Variants in DPP10 observed in about 807,000 individuals in gnomAD.
DPP10 encodes dipeptidyl peptidase like 10.
In DPP10, 33 loss-of-function variants were observed where a neutral mutation model predicts 120.9. That is an observed-to-expected ratio of 0.27 (90% CI 0.21 to 0.37). DPP10 has a LOEUF of 0.37. DPP10 is among the 10% of genes least tolerant of loss of function. The probability of loss-of-function intolerance (pLI) is 1.00; values close to 1 mark genes in which losing one functional copy is unlikely to be tolerated. For synonymous variants in DPP10, 337 were observed against 326.1 expected, an observed-to-expected ratio of 1.03 and a Z score of -0.36; for missense variants, 816 against 942.8, an observed-to-expected ratio of 0.87 and a Z score of 1.76.
intron 1 of DPP10, among the ~76,000 whole-genome samples, chr2:115,263,033 A>T (rs1270831038): frequency 6.6e-6 from 1 of 152,174 alleles, no homozygotes; most frequent in African/African-American, 2.4e-5. Context: ...ATAAAATCTT[A>T]GCAATTCTTA....
At chr2:115,237,305 T>C (rs2058053092) in intron 1 of DPP10, among the ~76,000 whole-genome samples, 1 of 152,164 alleles carries the variant, frequency 6.6e-6, no homozygotes, top group Admixed American at 6.5e-5. Flanking sequence ...ACTCTCATAA[T>C]TCTTTTGGAG....
At chr2:114,498,048 A>G (rs141795060) in intron 1 of DPP10, among the ~76,000 whole-genome samples, 66 of 152,296 alleles carry the variant, frequency 4.3e-4, no homozygotes, top group African/African-American at 1.5e-3. Context: ...ATTTTGATTG[A>G]CCAGTCATAA....
intron 3 of DPP10, among the ~76,000 whole-genome samples, chr2:115,362,688 A>T (rs2064857509): frequency 6.6e-6 from 1 of 152,202 alleles, no homozygotes; most frequent in Non-Finnish European, 1.5e-5. Flanking sequence ...CTAATATTTT[A>T]TCAGTTTATC....
intron 1 of DPP10, among the ~76,000 whole-genome samples, chr2:114,775,328 T>A (rs888564841): frequency 6.6e-6 from 1 of 152,178 alleles, no homozygotes; most frequent in African/African-American, 2.4e-5. Context: ...CTCAAGTTGA[T>A]ATCTTCCAAT....
chr2:114,663,664 T>TAGAGAGAGAG (rs1374317856), intron 1 of DPP10, among the ~76,000 whole-genome samples: 101 of 95,412 alleles, frequency 1.1e-3, no homozygotes, highest in African/African-American at 3.1e-3. Flanking sequence ...TATATATATA[T>TAGAGAGAGAG]ATATAGAGAG....
chr2:114,704,776 T>C (rs1700588152), intron 1 of DPP10, among the ~76,000 whole-genome samples: 1 of 152,042 alleles, frequency 6.6e-6, no homozygotes, highest in Non-Finnish European at 1.5e-5. Context: ...CCTGAATAAT[T>C]TATATGTTGA....
chr2:115,375,476 C>T (rs2065723191), intron 3 of DPP10, among the ~76,000 whole-genome samples: 1 of 152,228 alleles, frequency 6.6e-6, no homozygotes, highest in African/African-American at 2.4e-5. Flanking sequence ...AACTGTACCA[C>T]ATCTTCCTTT....
intron 2 of DPP10, among the ~76,000 whole-genome samples, chr2:115,331,031 C>T (rs995563597): frequency 4.1e-4 from 62 of 152,262 alleles, no homozygotes; most frequent in African/African-American, 1.4e-3. Context: ...TGGCCATTTT[C>T]ACGATATTGA....
At chr2:114,482,302 A>C (rs969887740) in intron 1 of DPP10, among the ~76,000 whole-genome samples, 1 of 152,152 alleles carries the variant, frequency 6.6e-6, no homozygotes, top group African/African-American at 2.4e-5. Flanking sequence ...TGGTGATAGA[A>C]GCCTTTTATT....
chr2:115,415,020 A>G (rs2069266250), intron 3 of DPP10, among the ~76,000 whole-genome samples: 1 of 152,152 alleles, frequency 6.6e-6, no homozygotes, highest in Non-Finnish European at 1.5e-5. Flanking sequence ...AGGCTTCGTC[A>G]TTATCTTAGA....
At chr2:115,806,295 C>T (rs1359360719) in intron 19 of DPP10, among the ~76,000 whole-genome samples, 1 of 152,098 alleles carries the variant, frequency 6.6e-6, no homozygotes, top group Non-Finnish European at 1.5e-5. Flanking sequence ...TGTGTTCTCT[C>T]AAAAAACTGG....
chr2:115,259,989 T>C (rs2059179465), intron 1 of DPP10, among the ~76,000 whole-genome samples: 1 of 151,512 alleles, frequency 6.6e-6, no homozygotes, highest in African/African-American at 2.4e-5. Flanking sequence ...TTTTACCTTA[T>C]ATAATTACAC....
At chr2:115,181,333 C>T (rs1340531553) in intron 1 of DPP10, among the ~76,000 whole-genome samples, 2 of 152,086 alleles carry the variant, frequency 1.3e-5, no homozygotes, top group Admixed American at 6.6e-5. Context: ...CTTAAAACAA[C>T]GATTTTATTT....
intron 1 of DPP10, among the ~76,000 whole-genome samples, chr2:115,128,162 T>C (rs1365289142): frequency 6.6e-6 from 1 of 152,148 alleles, no homozygotes; most frequent in Non-Finnish European, 1.5e-5. Context: ...CAAATTGATT[T>C]TTACTCAATC....
intron 3 of DPP10, among the ~76,000 whole-genome samples, chr2:115,412,914 C>T (rs961349388): frequency 5.3e-5 from 8 of 152,110 alleles, no homozygotes; most frequent in African/African-American, 1.9e-4. Context: ...TACCAGGGCA[C>T]AATTGAGTAT....
chr2:114,918,651 G>T (rs1694978177), intron 1 of DPP10, among the ~76,000 whole-genome samples: 1 of 152,168 alleles, frequency 6.6e-6, no homozygotes, highest in Non-Finnish European at 1.5e-5. Context: ...GCAGCAATGT[G>T]GATGTCCCTG....
intron 1 of DPP10, among the ~76,000 whole-genome samples, chr2:114,705,001 A>G (rs1032698602): frequency 6.6e-6 from 1 of 152,038 alleles, no homozygotes; most frequent in Non-Finnish European, 1.5e-5. Context: ...CCCAAAACCA[A>G]CCCTGCCAAT....
At chr2:114,719,326 T>G (rs1187267349) in intron 1 of DPP10, among the ~76,000 whole-genome samples, 1 of 152,156 alleles carries the variant, frequency 6.6e-6, no homozygotes, top group Non-Finnish European at 1.5e-5. Flanking sequence ...AATTGTACAC[T>G]CAAGTCTCAC....
chr2:114,863,096 T>C (rs1353421295), intron 1 of DPP10, among the ~76,000 whole-genome samples: 3 of 152,238 alleles, frequency 2.0e-5, no homozygotes, highest in East Asian at 1.9e-4. Flanking sequence ...ATGTAAAGAA[T>C]ATCTTAAAAT....
Sources: allele counts gnomAD v4.1 joint callset (sites outside exome capture counted in the v4.1 genomes callset), GRCh38; gene constraint gnomAD v4.1.1; transcripts MANE v1.5; gene names NCBI Gene and HGNC (gene_info 2026-07-23, HGNC 2026-07-21).